The following BACH2 variants were observed in gnomAD, a reference collection of about 807,000 sequenced individuals.
The protein encoded by BACH2 is transcription regulator protein BACH2.
A neutral mutation model predicts 61.8 loss-of-function variants in BACH2; 5 were observed. The ratio of observed to expected loss-of-function variants is 0.08; its 90% CI spans 0.04 to 0.17. BACH2 has a LOEUF of 0.17. Among genes scored for constraint, BACH2 ranks in the 10% least tolerant of loss-of-function variants. The pLI is 1.00. For missense variants in BACH2, 824 were observed against 1,091.1 expected (o/e 0.76, Z 3.45); for synonymous variants, 446 against 440.1 (o/e 1.01, Z -0.17).
At chr6:90,213,358 A>T (rs1018890233) in intron 3 of BACH2, among the ~76,000 whole-genome samples, 7 of 152,272 alleles carry the variant, frequency 4.6e-5, no homozygotes, top group Non-Finnish European at 1.0e-4. Context: ...ATTTTGTAGG[A>T]GTTGGGTCTG....
In BACH2 at chr6:90,058,765, C is replaced by T. The variant is rs186477186; in HGVS notation, c.-13+30196G>A. 3.3e-5 allele frequency among the ~76,000 whole-genome samples: 5 copies of T among 152,224 alleles called. No individual in the cohort carries two copies. In the East Asian group the frequency reaches 9.6e-4, roughly 29 times the overall value. ...TAACCAAAACAGCATGGTACTGGTA[C>T]CAAGACAGACATATAGATCAATGGA... On this transcript the variant is annotated intron_variant, in intron 5 of 8. Coordinates refer to ENST00000257749, the MANE Select transcript of BACH2 (RefSeq NM_021813.4).
chr6:90,165,453 A>T (rs1767576729), intron 4 of BACH2, among the ~76,000 whole-genome samples: 1 of 152,204 alleles, frequency 6.6e-6, no homozygotes, highest in African/African-American at 2.4e-5. Flanking sequence ...GGGTAGGAAG[A>T]ATCAATATTG....
intron 4 of BACH2, among the ~76,000 whole-genome samples, chr6:90,133,668 T>G (rs1312209233): frequency 6.6e-6 from 1 of 152,144 alleles, no homozygotes; most frequent in Admixed American, 6.5e-5. Context: ...ATTAGGTATA[T>G]CTCCTAATGC....
chr6:90,235,115 C>T lies in BACH2; in HGVS notation c.-275+17398G>A, dbSNP rs115066089. Reference sequence around the variant, plus strand: ...CCAAAAAACCAAGACCTTTTTTCGGCTGCAAGCAAAAGAGATTTAACACCT... The same window carrying T: ...CCAAAAAACCAAGACCTTTTTTCGGTTGCAAGCAAAAGAGATTTAACACCT... On this transcript the variant is annotated intron_variant, in intron 3 of 8. Coordinates refer to ENST00000257749, the MANE Select transcript of BACH2 (RefSeq NM_021813.4). Among the ~76,000 whole-genome samples the T allele has an allele frequency of 5.0e-3, 761 of 152,198 alleles. 5 individuals carry two copies. The highest frequency in any genetic ancestry group is 0.017 in the African/African-American group (725 of 41,516).
intron 6 of BACH2, among the ~76,000 whole-genome samples, chr6:89,965,362 T>C (rs1461053042): frequency 1.3e-5 from 2 of 152,246 alleles, no homozygotes; most frequent in Non-Finnish European, 2.9e-5. Context: ...ATTTTTACAT[T>C]ACTCCTGCTT....
chr6:89,976,467 T>G (rs1775658122), intron 6 of BACH2, among the ~76,000 whole-genome samples: 1 of 152,180 alleles, frequency 6.6e-6, no homozygotes, highest in Admixed American at 6.5e-5. Flanking sequence ...TGAACCACAA[T>G]GATCACAGCC....
chr6:90,008,822 T>A lies in BACH2; in HGVS notation c.23A>T (p.Asp8Val). ...GGACTCATACACATACATGGGGGAG[T>A]CAGGCTTCTCATCCACAGACATGCC... The part of the protein sequence containing the change: MSVDEKP[D>V]SPMYVYESTV... Residue 8 changes from aspartate (D) to valine (V), a missense_variant, in exon 6 of 9, where the codon GAC becomes GTC. Physicochemically the swap from Asp to Val is radical, Grantham distance 152. Around this residue, in one of 8 missense-constraint regions of BACH2, gnomAD observed 66 missense variants for 144.8 expected, o/e 0.46. Transcript: ENST00000257749. This position sits in a 1 kb window ranked among gnomAD's most constrained non-coding sequence, Gnocchi z 4.1. 2 of 1,613,462 alleles carry A rather than the reference T, an allele frequency of 1.2e-6. No individual in the cohort carries two copies. The highest frequency in any genetic ancestry group is 1.3e-5 in the African/African-American group (1 of 74,804).
chr6:90,007,703 A>G (rs558689372), intron 6 of BACH2, among the ~76,000 whole-genome samples: 5 of 152,176 alleles, frequency 3.3e-5, no homozygotes, highest in Non-Finnish European at 7.3e-5. Flanking sequence ...GTCAAACACC[A>G]CACAACTCTA....
At chr6:90,278,032 T>C (rs1216972416) in intron 1 of BACH2, among the ~76,000 whole-genome samples, 1 of 152,230 alleles carries the variant, frequency 6.6e-6, no homozygotes. Context: ...ATCAAAGATA[T>C]GCAACATTTA....
At chr6:89,975,081 C>T (rs190609198) in intron 6 of BACH2, among the ~76,000 whole-genome samples, 6 of 152,262 alleles carry the variant, frequency 3.9e-5, no homozygotes, top group African/African-American at 1.2e-4. Flanking sequence ...AAATCAGACT[C>T]AAAATTGGCT....
At chr6:90,102,205 G>C (rs532800755) in intron 4 of BACH2, among the ~76,000 whole-genome samples, 9 of 152,142 alleles carry the variant, frequency 5.9e-5, no homozygotes, top group Non-Finnish European at 8.8e-5. Context: ...TAATGATCCT[G>C]CTTTTGGGTT....
chr6:90,052,587 T>C (rs1037570340), intron 5 of BACH2, among the ~76,000 whole-genome samples: 1 of 152,138 alleles, frequency 6.6e-6, no homozygotes, highest in African/African-American at 2.4e-5. Flanking sequence ...GCCTGGCTAA[T>C]TTTTCATATT....
chr6:89,958,950 C>T (rs190100228), intron 6 of BACH2, among the ~76,000 whole-genome samples: 68 of 152,236 alleles, frequency 4.5e-4, no homozygotes, highest in African/African-American at 1.5e-3. Context: ...AAATGTTAGC[C>T]TCTTGTTCAG....
At chr6:90,121,490 A>C (rs915925574) in intron 4 of BACH2, among the ~76,000 whole-genome samples, 24 of 152,170 alleles carry the variant, frequency 1.6e-4, no homozygotes, top group African/African-American at 5.3e-4. Context: ...AAAAAGATAT[A>C]TATCTAAATT....
chr6:89,975,363 T>A (rs996989120), intron 6 of BACH2, among the ~76,000 whole-genome samples: 68 of 152,364 alleles, frequency 4.5e-4, no homozygotes, highest in African/African-American at 1.5e-3. Flanking sequence ...TTAACTTTTT[T>A]AGATAGACTT....
intron 5 of BACH2, among the ~76,000 whole-genome samples, chr6:90,086,900 T>C (rs1051436753): frequency 6.6e-6 from 1 of 152,202 alleles, no homozygotes; most frequent in Non-Finnish European, 1.5e-5. Context: ...TTGGAGATGG[T>C]ATATTTTTGA....
chr6:89,951,785 G>A lies in BACH2; in HGVS notation c.321C>T (p.Arg107=), dbSNP rs777584692. The A allele has an allele frequency of 5.0e-6, 8 of 1,614,250 alleles. No individual in the cohort carries two copies. Among genetic ancestry groups the A allele is most frequent in the Admixed American group, 1.7e-5 (1 of 60,032 alleles). The change falls in exon 7 of 9, where the codon CGC becomes CGT. Residue 107 remains arginine (R), a synonymous_variant. Transcript: ENST00000257749. This position sits in a 1 kb window ranked among gnomAD's most constrained non-coding sequence, Gnocchi z 6.4. ...AKLLLSRENI[R]EVIRCAEFLR... ...GGAACTCAGCACAGCGGATGACCTCGCGGATGTTTTCTCTGCTGAGTAACA... is the reference window on the plus strand; with the variant it reads ...GGAACTCAGCACAGCGGATGACCTCACGGATGTTTTCTCTGCTGAGTAACA...
intron 5 of BACH2, among the ~76,000 whole-genome samples, chr6:90,039,190 G>A (rs1779407311): frequency 6.6e-6 from 1 of 152,170 alleles, no homozygotes; most frequent in Non-Finnish European, 1.5e-5. Context: ...TCTATTGGCA[G>A]CTATCCGGGT....
intron 5 of BACH2, among the ~76,000 whole-genome samples, chr6:90,049,438 C>T (rs1424215118): frequency 6.6e-6 from 1 of 152,182 alleles, no homozygotes; most frequent in African/African-American, 2.4e-5. Context: ...ACAGGAGGGT[C>T]TCTGGCAATG....
Sources: allele counts gnomAD v4.1 joint callset (sites outside exome capture counted in the v4.1 genomes callset), GRCh38; gene constraint gnomAD v4.1.1; regional missense constraint gnomAD v4.1.1; non-coding constraint Gnocchi (gnomAD v3.1); transcripts MANE v1.5; gene names NCBI Gene and HGNC (gene_info 2026-07-23, HGNC 2026-07-21).